The following UGT1A9 variants were observed in gnomAD, a reference collection of about 807,000 sequenced individuals.
UGT1A9 encodes the protein UDP glucuronosyltransferase family 1 member A9.
Under a neutral mutation model 45.0 loss-of-function variants are expected in UGT1A9, and 35 were observed. The ratio of observed to expected loss-of-function variants is 0.78; its 90% CI spans 0.59 to 1.03. The LOEUF is 1.03. Ranked by LOEUF, UGT1A9 falls within the 50% of genes least tolerant of loss-of-function variation. The pLI is 0.00. For missense variants in UGT1A9, 687 were observed against 666.6 expected, an observed-to-expected ratio of 1.03 and a Z score of -0.34; for synonymous variants, 278 against 250.6, an observed-to-expected ratio of 1.11 and a Z score of -1.03.
Position 233,695,329 on chromosome 2 carries a change from T to C in UGT1A9, c.855+22540T>C, listed in dbSNP as rs1478779015. ...TTAGTAGAGGCGGGGTTTCACCACG[T>C]TGGCCAGGATGGTCTCAATCTCTTG... On this transcript the variant is annotated intron_variant, in intron 1 of 4. Coordinates refer to ENST00000354728, the MANE Select transcript of UGT1A9 (RefSeq NM_021027.3). 5.3e-5 allele frequency among the ~76,000 whole-genome samples: 8 copies of C among 152,048 alleles called. No individual in the cohort carries two copies. The East Asian group carries it at 1.5e-3, about 29-fold the overall frequency.
At chr2:233,680,001 TTTTC>T (rs2074470429) in intron 1 of UGT1A9, among the ~76,000 whole-genome samples, 2 of 152,198 alleles carry the variant, frequency 1.3e-5, no homozygotes, top group Non-Finnish European at 2.9e-5. Flanking sequence ...TTTTCTTCTC[TTTTC>T]TTTCTTTCTC....
intron 1 of UGT1A9, among the ~76,000 whole-genome samples, chr2:233,694,575 T>C (rs1453621586): frequency 1.3e-5 from 2 of 152,230 alleles, no homozygotes; most frequent in Non-Finnish European, 2.9e-5. Context: ...AATTTCAATG[T>C]AAATATTTAC....
chr2:233,686,262 T>A (rs2074780343), intron 1 of UGT1A9, among the ~76,000 whole-genome samples: 1 of 151,974 alleles, frequency 6.6e-6, no homozygotes, highest in Non-Finnish European at 1.5e-5. Flanking sequence ...TTTTTTTTTC[T>A]TGTACCAAAA....
intron 1 of UGT1A9, among the ~76,000 whole-genome samples, chr2:233,727,711 C>T (rs1575572304): frequency 1.3e-5 from 2 of 152,204 alleles, no homozygotes; most frequent in East Asian, 3.8e-4. Context: ...TTCCCAAAGC[C>T]CTTGCAGACC....
At chr2:233,695,228 C>G (rs530081428) in intron 1 of UGT1A9, among the ~76,000 whole-genome samples, 1 of 151,164 alleles carries the variant, frequency 6.6e-6, no homozygotes, top group Non-Finnish European at 1.5e-5. Flanking sequence ...TGGGTTCAAG[C>G]GATTCTCCTG....
At chr2:233,687,356 G>T (rs2074836040) in intron 1 of UGT1A9, among the ~76,000 whole-genome samples, 1 of 152,096 alleles carries the variant, frequency 6.6e-6, no homozygotes, top group African/African-American at 2.4e-5. Context: ...CAGATGGGTG[G>T]ACTGTCTCCT....
At chr2:233,723,536 T>TTA (rs1553611580) in intron 1 of UGT1A9, among the ~76,000 whole-genome samples, 38,386 of 120,724 alleles carry the variant, frequency 0.32, 7,068 homozygotes, top group South Asian at 0.41. Flanking sequence ...TTTTTTTTTT[T>TTA]AATTTATTTT....
intron 1 of UGT1A9, among the ~76,000 whole-genome samples, chr2:233,727,772 CAGTAGACG>C (rs1364688082): frequency 6.6e-6 from 1 of 152,208 alleles, no homozygotes; most frequent in Non-Finnish European, 1.5e-5. Context: ...GGGTGTCCCC[CAGTAGACG>C]CTTCCATTCA....
Position 233,712,920 on chromosome 2 carries a change from T to C in UGT1A9, c.855+40131T>C. ...GCTAGGTGTCTCAGTGACAAGGTAA[T>C]TAAGACGAAGGAAACAATTCTAGGA... On this transcript the variant is annotated intron_variant, in intron 1 of 4. Transcript: ENST00000354728. 3 of 1,611,826 alleles carry C rather than the reference T, an allele frequency of 1.9e-6. No individual in the cohort carries two copies. The South Asian group carries it at 3.3e-5, about 18-fold the overall frequency.
intron 1 of UGT1A9, among the ~76,000 whole-genome samples, chr2:233,732,197 G>T (rs1458776605): frequency 6.6e-6 from 1 of 152,132 alleles, no homozygotes; most frequent in Non-Finnish European, 1.5e-5. Flanking sequence ...TTAGCCCTTT[G>T]TCAGATGGGT....
intron 1 of UGT1A9, among the ~76,000 whole-genome samples, chr2:233,744,770 A>G (rs1692917910): frequency 6.6e-6 from 1 of 151,946 alleles, no homozygotes. Context: ...TTAACTTTGC[A>G]AAATTCTCCT....
At chr2:233,714,359 G>C (rs754648080) in intron 1 of UGT1A9, among the ~76,000 whole-genome samples, 1 of 152,198 alleles carries the variant, frequency 6.6e-6, no homozygotes, top group Non-Finnish European at 1.5e-5. Context: ...AGGTTTCAAA[G>C]AAGTTGACTC....
At chr2:233,731,452 C>A (rs2078164427) in intron 1 of UGT1A9, among the ~76,000 whole-genome samples, 1 of 152,066 alleles carries the variant, frequency 6.6e-6, no homozygotes. Context: ...CACCCCACAA[C>A]AGGCCCTGGC....
intron 1 of UGT1A9, among the ~76,000 whole-genome samples, chr2:233,725,221 A>G: frequency 1.1e-5 from 1 of 87,460 alleles, no homozygotes; most frequent in African/African-American, 8.3e-5. Context: ...GAGGCAGAGG[A>G]GGCAGAGGCA....
At chr2:233,682,325 G>A in intron 1 of UGT1A9, 1 of 1,614,044 alleles carries the variant, frequency 6.2e-7, no homozygotes, top group Non-Finnish European at 8.5e-7. Flanking sequence ...TTTGTTTAAT[G>A]ACCGAAAATT....
At chr2:233,747,099 C>T (rs1382470135) in intron 1 of UGT1A9, 1 of 1,328,162 alleles carries the variant, frequency 7.5e-7, no homozygotes, top group African/African-American at 1.5e-5. Context: ...ACTCTATCTT[C>T]CAATTACATG....
chr2:233,762,967 G>A (rs568860226), intron 1 of UGT1A9, among the ~76,000 whole-genome samples: 7 of 152,218 alleles, frequency 4.6e-5, no homozygotes, highest in Admixed American at 6.5e-5. Context: ...AAAGATGCCC[G>A]TCTTGCTGCT....
chr2:233,693,747 A>G (rs2075178821), intron 1 of UGT1A9: 1 of 1,614,228 alleles, frequency 6.2e-7, no homozygotes, highest in South Asian at 1.1e-5. Flanking sequence ...ACCTTATATC[A>G]GAAGGTCTCT....
At chr2:233,679,364 C>T (rs2074450232) in intron 1 of UGT1A9, among the ~76,000 whole-genome samples, 1 of 152,168 alleles carries the variant, frequency 6.6e-6, no homozygotes, top group Non-Finnish European at 1.5e-5. Flanking sequence ...AACAATAAAA[C>T]TGTCAGTGAG....
Sources: gnomAD v4.1 joint callset for allele counts (sites outside exome capture counted in the v4.1 genomes callset) on GRCh38, gnomAD v4.1.1 for gene constraint, MANE v1.5 for transcripts, NCBI Gene and HGNC (gene_info 2026-07-23, HGNC 2026-07-21) for gene names.